FGFR2: variants seen among roughly 807,000 people sequenced by gnomAD.
FGFR2 encodes the protein fibroblast growth factor receptor 2, also known as BEK fibroblast growth factor receptor.
In FGFR2, 19 loss-of-function variants were observed where a neutral mutation model predicts 95.9. The ratio of observed to expected loss-of-function variants is 0.20; its 90% CI spans 0.14 to 0.29. The LOEUF (loss-of-function observed/expected upper bound fraction) is 0.29, where lower values mean the gene tolerates loss of function less well. FGFR2 is among the 10% of genes least tolerant of loss of function. The pLI is 1.00. For synonymous variants in FGFR2, 392 were observed against 393.3 expected, an observed-to-expected ratio of 1.00 and a Z score of 0.04; for missense variants, 707 against 1,056.9, an observed-to-expected ratio of 0.67 and a Z score of 4.59.
chr10:121,515,395 A>C, intron 8 of FGFR2, 76 bp from the exon 9 acceptor site: 1 of 1,447,330 alleles, frequency 6.9e-7, no homozygotes, highest in Non-Finnish European at 9.7e-7. Flanking sequence ...GCATCATAGC[A>C]CAACCAAAGG....
intron 4 of FGFR2, among the ~76,000 whole-genome samples, chr10:121,558,597 G>C (rs77258468): frequency 0.02 from 3,027 of 151,136 alleles, 107 homozygotes; most frequent in African/African-American, 0.07. Context: ...GATGTTAATA[G>C]ATACAGTTTT....
chr10:121,525,857 G>C (rs564316402), intron 6 of FGFR2, among the ~76,000 whole-genome samples: 2 of 152,136 alleles, frequency 1.3e-5, no homozygotes, highest in Non-Finnish European at 2.9e-5. Context: ...CCGGGGATCA[G>C]AAGGAGAACC....
chr10:121,560,539 C>T (rs373344213), intron 4 of FGFR2, among the ~76,000 whole-genome samples: 25 of 135,972 alleles, frequency 1.8e-4, no homozygotes, highest in African/African-American at 3.5e-4. Context: ...GGCGTGAACC[C>T]GGGAGGCGGA....
At chr10:121,561,812 A>G (rs1223790616) in intron 4 of FGFR2, among the ~76,000 whole-genome samples, 1 of 152,254 alleles carries the variant, frequency 6.6e-6, no homozygotes, top group East Asian at 1.9e-4. Flanking sequence ...ACTGTTATCC[A>G]AAATATACAA....
chr10:121,581,605 A>G (rs1328638012), intron 2 of FGFR2, among the ~76,000 whole-genome samples: 1 of 151,668 alleles, frequency 6.6e-6, no homozygotes, highest in African/African-American at 2.4e-5. Flanking sequence ...AAAAGAAAGA[A>G]AAAAGAAAAA....
At chr10:121,508,289 G>A (rs894473285) in intron 9 of FGFR2, among the ~76,000 whole-genome samples, 2 of 152,242 alleles carry the variant, frequency 1.3e-5, no homozygotes, top group Non-Finnish European at 2.9e-5. Flanking sequence ...TCTGCTCACT[G>A]CCAAGGATGG....
intron 2 of FGFR2, among the ~76,000 whole-genome samples, chr10:121,581,821 TG>T (rs1340315081): frequency 6.7e-6 from 1 of 148,598 alleles, no homozygotes; most frequent in East Asian, 2.0e-4. Flanking sequence ...TCCCAGTCCC[TG>T]GGAACTCCTA....
chr10:121,509,744 A>G (rs111455000), intron 9 of FGFR2, among the ~76,000 whole-genome samples: 67 of 151,894 alleles, frequency 4.4e-4, no homozygotes, highest in African/African-American at 1.5e-3. Context: ...CGGCCTCCCA[A>G]AGTGCTGGGA....
intron 5 of FGFR2, among the ~76,000 whole-genome samples, chr10:121,548,506 T>C (rs1457210144): frequency 6.6e-6 from 1 of 152,032 alleles, no homozygotes; most frequent in African/African-American, 2.4e-5. Flanking sequence ...ACTGCACCTG[T>C]TAAAAATCAG....
intron 13 of FGFR2, among the ~76,000 whole-genome samples, chr10:121,489,927 G>C (rs1248001919): frequency 1.3e-5 from 2 of 152,058 alleles, no homozygotes; most frequent in African/African-American, 4.8e-5. Flanking sequence ...CATGACTAAG[G>C]TTCCTGAAAT....
intron 10 of FGFR2, among the ~76,000 whole-genome samples, chr10:121,502,468 C>G (rs550963254): frequency 6.6e-6 from 1 of 152,316 alleles, no homozygotes; most frequent in South Asian, 2.1e-4. Flanking sequence ...TACAATTATT[C>G]AGTCCTAGCT....
chr10:121,498,395 A>AGGGTGCT, intron 12 of FGFR2, 100 bp downstream of exon 12: 1 of 803,756 alleles, frequency 1.2e-6, no homozygotes, highest in South Asian at 1.4e-5. Context: ...ACATGCACAC[A>AGGGTGCT]GGGTGCTCTG....
intron 2 of FGFR2, among the ~76,000 whole-genome samples, chr10:121,576,015 C>T (rs1220272863): frequency 6.6e-6 from 1 of 151,426 alleles, no homozygotes; most frequent in Non-Finnish European, 1.5e-5. Flanking sequence ...TGGAGAAACC[C>T]CGTCTCTACT....
At chr10:121,575,333 T>C (rs1481327960) in intron 2 of FGFR2, among the ~76,000 whole-genome samples, 1 of 152,130 alleles carries the variant, frequency 6.6e-6, no homozygotes, top group Non-Finnish European at 1.5e-5. Flanking sequence ...ACTCCCTGTT[T>C]TGTCAGTATC....
At chr10:121,526,377 C>T (rs1196824138) in intron 6 of FGFR2, among the ~76,000 whole-genome samples, 1 of 152,190 alleles carries the variant, frequency 6.6e-6, no homozygotes, top group Non-Finnish European at 1.5e-5. Context: ...CCGATCAAAG[C>T]TCTCTGAAGT....
intron 6 of FGFR2, among the ~76,000 whole-genome samples, chr10:121,533,692 C>T (rs1852395701): frequency 6.6e-6 from 1 of 152,186 alleles, no homozygotes; most frequent in Admixed American, 6.5e-5. Flanking sequence ...GCAGCACCTC[C>T]TTAGAGTCGG....
chr10:121,564,400 G>A, intron 4 of FGFR2, 102 bp downstream of exon 4: 1 of 1,107,016 alleles, frequency 9.0e-7, no homozygotes, highest in South Asian at 1.2e-5. Flanking sequence ...AGGGCCGCGG[G>A]ACACAGCATG....
At chr10:121,557,516 G>A (rs996869455) in intron 4 of FGFR2, among the ~76,000 whole-genome samples, 7 of 151,976 alleles carry the variant, frequency 4.6e-5, no homozygotes, top group East Asian at 3.9e-4. Flanking sequence ...CTATGCTCCC[G>A]AGGCTAGTCT....
rs2134228878 is a variant in FGFR2 at position 121,515,266 on chromosome 10, T to C, written c.1138A>G (p.Ile380Val). 1.9e-6 allele frequency: 3 copies of C among 1,614,112 alleles called. No homozygotes were observed. Among genetic ancestry groups the C allele is most frequent in the Non-Finnish European group, 8.5e-7 (1 of 1,180,014 alleles). The change falls in exon 9 of 18, where the codon ATT becomes GTT. Residue 380 changes from isoleucine to valine, a missense_variant. Transcript: ENST00000358487. Reference protein sequence around the residue: ...TASPDYLEIAIYCIGVFLIAC... With the variant: ...TASPDYLEIAVYCIGVFLIAC... ...ATTAAGAAGACCCCTATGCAGTAAA[T>C]GGCTATCTCCAGGTAGTCTGGGGAA...
Sources: allele counts gnomAD v4.1 joint callset (sites outside exome capture counted in the v4.1 genomes callset), GRCh38; gene constraint gnomAD v4.1.1; transcripts MANE v1.5; gene names NCBI Gene and HGNC (gene_info 2026-07-23, HGNC 2026-07-21).